ASIC2: variants seen among roughly 807,000 people sequenced by gnomAD.
The protein encoded by ASIC2 is acid-sensing ion channel 2.
Under a neutral mutation model 57.3 loss-of-function variants are expected in ASIC2, and 25 were observed. The observed-to-expected ratio is 0.44, with a 90% CI of 0.32 to 0.61. The LOEUF (loss-of-function observed/expected upper bound fraction) is 0.61, where lower values mean the gene tolerates loss of function less well. Among genes scored for constraint, ASIC2 ranks in the 20% least tolerant of loss-of-function variants. ASIC2 has a pLI of 0.06. For missense variants in ASIC2, 641 were observed against 738.1 expected (o/e 0.87, Z 1.52); for synonymous variants, 319 against 307.5 (o/e 1.04, Z -0.39).
intron 1 of ASIC2, among the ~76,000 whole-genome samples, chr17:33,385,818 T>A (rs747788533): frequency 6.6e-6 from 1 of 152,130 alleles, no homozygotes; most frequent in Non-Finnish European, 1.5e-5. Context: ...CTGGGTGGAA[T>A]GGGCAGAGGA....
intron 1 of ASIC2, among the ~76,000 whole-genome samples, chr17:33,678,117 C>T (rs1004493196): frequency 6.6e-6 from 1 of 152,110 alleles, no homozygotes; most frequent in South Asian, 2.1e-4. Flanking sequence ...ATCAAGCTAG[C>T]AAAAAGATTA....
chr17:33,159,009 G>C (rs1386203602), intron 1 of ASIC2, among the ~76,000 whole-genome samples: 1 of 152,202 alleles, frequency 6.6e-6, no homozygotes. Flanking sequence ...CCACACCTGA[G>C]CCCAGCTGAG....
At chr17:33,976,262 G>A (rs902970413) in intron 1 of ASIC2, among the ~76,000 whole-genome samples, 3 of 152,036 alleles carry the variant, frequency 2.0e-5, no homozygotes, top group Non-Finnish European at 4.4e-5. Flanking sequence ...AATGGTACGA[G>A]TGTTACTTGG....
intron 3 of ASIC2, among the ~76,000 whole-genome samples, chr17:33,082,353 C>G (rs1167360780): frequency 3.3e-5 from 5 of 151,996 alleles, no homozygotes; most frequent in Non-Finnish European, 5.9e-5. Flanking sequence ...GAATCACCAC[C>G]AGGCTCTTTG....
At chr17:33,421,046 T>C (rs907611801) in intron 1 of ASIC2, among the ~76,000 whole-genome samples, 2 of 152,190 alleles carry the variant, frequency 1.3e-5, no homozygotes, top group African/African-American at 2.4e-5. Context: ...GAATGGAACA[T>C]GGAGCAGTGT....
intron 1 of ASIC2, chr17:33,634,710 C>CTTTTTTTTTTTTTTT (rs71144892): frequency 1.4e-5 from 1 of 74,038 alleles, no homozygotes; most frequent in Non-Finnish European, 2.7e-5. Context: ...TTCTTTCTTT[C>CTTTTTTTTTTTTTTT]TTTTTTTTTT....
At chr17:34,108,829 T>C (rs1192284171) in intron 1 of ASIC2, among the ~76,000 whole-genome samples, 1 of 152,142 alleles carries the variant, frequency 6.6e-6, no homozygotes, top group African/African-American at 2.4e-5. Context: ...CCATTTATAA[T>C]TGTTATGTCT....
intron 1 of ASIC2, among the ~76,000 whole-genome samples, chr17:33,718,716 G>T (rs1440210955): frequency 6.6e-6 from 1 of 152,194 alleles, no homozygotes; most frequent in Non-Finnish European, 1.5e-5. Flanking sequence ...CCAAAGAGGT[G>T]GGAGGTGGGG....
chr17:33,687,792 G>T (rs536967549), intron 1 of ASIC2, among the ~76,000 whole-genome samples: 29 of 152,284 alleles, frequency 1.9e-4, no homozygotes, highest in Non-Finnish European at 2.8e-4. Context: ...CTAATGACCT[G>T]GAGAGCAGAG....
intron 1 of ASIC2, among the ~76,000 whole-genome samples, chr17:33,930,862 A>C (rs754913205): frequency 1.7e-4 from 25 of 149,924 alleles, no homozygotes; most frequent in Non-Finnish European, 3.3e-4. Flanking sequence ...AGATTTTACA[A>C]CTCCCTTGTT....
At chr17:34,054,212 C>G (rs533486101) in intron 1 of ASIC2, among the ~76,000 whole-genome samples, 46 of 152,354 alleles carry the variant, frequency 3.0e-4, no homozygotes, top group African/African-American at 1.1e-3. Context: ...CTGTCATAAT[C>G]AGTGTTTTCA....
intron 1 of ASIC2, among the ~76,000 whole-genome samples, chr17:33,512,036 G>A (rs1444290123): frequency 6.6e-6 from 1 of 152,122 alleles, no homozygotes; most frequent in Non-Finnish European, 1.5e-5. Context: ...TTTATTTCTG[G>A]GTTTCAGCGT....
chr17:33,615,291 C>T (rs763542653), intron 1 of ASIC2, among the ~76,000 whole-genome samples: 18 of 152,298 alleles, frequency 1.2e-4, no homozygotes, highest in Non-Finnish European at 2.2e-4. Flanking sequence ...ATAGGCAGTA[C>T]TTAAAAGTAC....
intron 1 of ASIC2, among the ~76,000 whole-genome samples, chr17:33,612,944 A>G (rs1188292724): frequency 6.6e-6 from 1 of 152,184 alleles, no homozygotes; most frequent in African/African-American, 2.4e-5. Flanking sequence ...TCACTCATTG[A>G]TTCACAGGCT....
chr17:33,125,819 A>G (rs148474511), intron 1 of ASIC2, among the ~76,000 whole-genome samples: 187 of 152,234 alleles, frequency 1.2e-3, no homozygotes, highest in Admixed American at 2.2e-3. Flanking sequence ...CTGCTTTCAC[A>G]TCAGTTCACC....
intron 1 of ASIC2, among the ~76,000 whole-genome samples, chr17:33,891,805 A>G (rs1914965789): frequency 6.6e-6 from 1 of 152,070 alleles, no homozygotes; most frequent in Non-Finnish European, 1.5e-5. Flanking sequence ...TTTAAAGGGG[A>G]GGGGTGAGAG....
intron 1 of ASIC2, among the ~76,000 whole-genome samples, chr17:33,715,758 G>T (rs112757328): frequency 5.3e-5 from 8 of 152,216 alleles, no homozygotes; most frequent in African/African-American, 1.9e-4. Context: ...AGTTCTAGGG[G>T]ATAACATCTC....
At chr17:33,474,901 C>T (rs552999054) in intron 1 of ASIC2, among the ~76,000 whole-genome samples, 34 of 152,220 alleles carry the variant, frequency 2.2e-4, no homozygotes, top group Middle Eastern at 6.8e-3. Context: ...TGAGCAATTC[C>T]CACCAGTCCT....
intron 1 of ASIC2, chr17:34,039,905 G>T: frequency 6.4e-7 from 1 of 1,560,556 alleles, no homozygotes; most frequent in Non-Finnish European, 8.8e-7. Context: ...GCCGCTCCAC[G>T]CTCCTCCCTG....
Sources: allele counts gnomAD v4.1 joint callset (sites outside exome capture counted in the v4.1 genomes callset), GRCh38; gene constraint gnomAD v4.1.1; transcripts MANE v1.5; gene names NCBI Gene and HGNC (gene_info 2026-07-23, HGNC 2026-07-21).